Variants in PIP5K1B observed in about 807,000 individuals in gnomAD.
The protein encoded by PIP5K1B is phosphatidylinositol-4-phosphate 5-kinase type 1 beta.
Under a neutral mutation model 67.0 loss-of-function variants are expected in PIP5K1B, and 42 were observed. The observed-to-expected ratio is 0.63, with a 90% confidence interval of 0.49 to 0.81. The LOEUF is 0.81. Ranked by LOEUF, PIP5K1B falls within the 30% of genes least tolerant of loss-of-function variation. The pLI is 0.00. For synonymous variants in PIP5K1B, 214 were observed against 231.4 expected, an observed-to-expected ratio of 0.92 and a Z score of 0.68; for missense variants, 459 against 646.3, an observed-to-expected ratio of 0.71 and a Z score of 3.14.
rs1269638738 is a variant in PIP5K1B, at chr9:68,705,501, C to T, written c.-504C>T. 9 of 151,136 alleles carry T rather than the reference C, an allele frequency of 6.0e-5. No individual in the cohort carries two copies. Among genetic ancestry groups the T allele is most frequent in the Non-Finnish European group, 1.0e-4 (7 of 67,244 alleles). The allele number at this position is 151,136 out of a possible 1,614,324, so 9.4% of individuals were successfully genotyped here. A position where few individuals can be genotyped will look rare whatever the true frequency, so the allele number is the denominator to read the frequency against. On this transcript the variant is annotated 5_prime_UTR_variant, in exon 1 of 16. Coordinates refer to ENST00000265382, the MANE Select transcript of PIP5K1B (RefSeq NM_003558.4). ...CCGCGGCGCGCGCGCACTGCACACTCGTAGCCGCGCGCCCCCGCCAAGGCG... is the reference window on the plus strand; with the variant it reads ...CCGCGGCGCGCGCGCACTGCACACTTGTAGCCGCGCGCCCCCGCCAAGGCG...
At chr9:68,782,195 A>G (rs562495496) in intron 2 of PIP5K1B, 1 of 167,226 alleles carries the variant, frequency 6.0e-6, no homozygotes, top group African/African-American at 2.4e-5. Flanking sequence ...CAGCAACAAC[A>G]GGACTGTGAA....
At chr9:68,802,594 G>A (rs1350249526) in intron 2 of PIP5K1B, among the ~76,000 whole-genome samples, 3 of 152,190 alleles carry the variant, frequency 2.0e-5, no homozygotes, top group South Asian at 2.1e-4. Flanking sequence ...GAGAAGAAAC[G>A]CTGCCCTTTG....
chr9:68,843,930 G>C (rs1303367890), intron 4 of PIP5K1B, among the ~76,000 whole-genome samples: 1 of 152,200 alleles, frequency 6.6e-6, no homozygotes, highest in Non-Finnish European at 1.5e-5. Context: ...GGGGAAGCTG[G>C]ATGTGTGGCT....
chr9:68,931,265 GAATAT>G (rs1273061007), intron 12 of PIP5K1B, among the ~76,000 whole-genome samples: 1 of 152,174 alleles, frequency 6.6e-6, no homozygotes, highest in Admixed American at 6.5e-5. Context: ...TTCCTGAATA[GAATAT>G]AAGAGTTAAA....
chr9:68,785,235 G>A (rs1014734348), intron 2 of PIP5K1B, among the ~76,000 whole-genome samples: 3 of 152,158 alleles, frequency 2.0e-5, no homozygotes, highest in East Asian at 1.9e-4. Context: ...GAGGCATTGA[G>A]GATAAGAGAA....
intron 2 of PIP5K1B, among the ~76,000 whole-genome samples, chr9:68,802,848 C>T (rs570868955): frequency 3.9e-5 from 6 of 152,284 alleles, no homozygotes; most frequent in African/African-American, 1.2e-4. Context: ...GTGCCAAAAC[C>T]TCTGAGGTTT....
chr9:68,745,419 G>A (rs968202118), intron 2 of PIP5K1B, among the ~76,000 whole-genome samples: 1 of 152,172 alleles, frequency 6.6e-6, no homozygotes, highest in Non-Finnish European at 1.5e-5. Flanking sequence ...ACTGCATCTA[G>A]GCCTGGCACT....
At chr9:68,965,939 A>T (rs1306877408) in intron 14 of PIP5K1B, among the ~76,000 whole-genome samples, 1 of 145,316 alleles carries the variant, frequency 6.9e-6, no homozygotes, top group Non-Finnish European at 1.5e-5. Context: ...GTGCCACTGC[A>T]CTCCAACCTG....
At chr9:68,886,628 G>T (rs1368761020) in intron 6 of PIP5K1B, among the ~76,000 whole-genome samples, 1 of 152,216 alleles carries the variant, frequency 6.6e-6, no homozygotes. Flanking sequence ...TCCAGGGCCA[G>T]GAAGCAATTG....
intron 14 of PIP5K1B, among the ~76,000 whole-genome samples, chr9:68,978,294 A>G (rs986807219): frequency 6.6e-6 from 1 of 152,204 alleles, no homozygotes; most frequent in Middle Eastern, 3.4e-3. Flanking sequence ...TCTTCTTTCC[A>G]CCAGTAACTA....
At chr9:68,891,425 T>C (rs1316336200) in intron 7 of PIP5K1B, among the ~76,000 whole-genome samples, 1 of 150,068 alleles carries the variant, frequency 6.7e-6, no homozygotes, top group Non-Finnish European at 1.5e-5. Context: ...ATTAAAATTC[T>C]AAAAATTGGC....
At chr9:68,739,048 T>C (rs1201113261) in intron 1 of PIP5K1B, among the ~76,000 whole-genome samples, 1 of 152,224 alleles carries the variant, frequency 6.6e-6, no homozygotes, top group Admixed American at 6.5e-5. Flanking sequence ...CCCTGAACAA[T>C]CCTGGCCACC....
intron 4 of PIP5K1B, among the ~76,000 whole-genome samples, chr9:68,860,445 A>G (rs1823002882): frequency 6.6e-6 from 1 of 152,192 alleles, no homozygotes; most frequent in Non-Finnish European, 1.5e-5. Flanking sequence ...CAGCTTTACC[A>G]AGAAGTTTAC....
intron 15 of PIP5K1B, among the ~76,000 whole-genome samples, chr9:69,005,402 T>G (rs2133046433): frequency 6.6e-6 from 1 of 152,330 alleles, no homozygotes; most frequent in African/African-American, 2.4e-5. Flanking sequence ...TTATTTTATT[T>G]TTGATATGGA....
At chr9:68,898,700 C>T (rs1825215368) in intron 8 of PIP5K1B, among the ~76,000 whole-genome samples, 1 of 152,104 alleles carries the variant, frequency 6.6e-6, no homozygotes, top group Non-Finnish European at 1.5e-5. Flanking sequence ...TGAAGCTACT[C>T]CTTCCTCCCT....
Position 68,991,229 on chromosome 9 carries a change from A to C in PIP5K1B, c.1592A>C (p.Asp531Ala). The C allele has an allele frequency of 1.2e-6, 2 of 1,606,502 alleles. No homozygotes were observed. The highest frequency in any genetic ancestry group is 1.7e-6 in the Non-Finnish European group (2 of 1,172,990). Residue 531 changes from aspartate to alanine, a missense_variant, in exon 15 of 16, where the codon GAC (aspartate) becomes GCC (alanine). Transcript: ENST00000265382. ...CCCAACACTCTGGAAGTGCAGGATGACAATGCTTCTGTGCTTGACGTCTAT... is the reference window on the plus strand; with the variant it reads ...CCCAACACTCTGGAAGTGCAGGATGCCAATGCTTCTGTGCTTGACGTCTAT... ...AEPNTLEVQD[D>A]NASVLDVYL is the part of the protein sequence containing the mutation.
intron 4 of PIP5K1B, among the ~76,000 whole-genome samples, chr9:68,830,992 T>G (rs1834285082): frequency 6.6e-6 from 1 of 152,198 alleles, no homozygotes. Flanking sequence ...AAGAGATTTT[T>G]TTTAAGGTGG....
At chr9:69,006,962 C>T (rs1028797684) in intron 15 of PIP5K1B, among the ~76,000 whole-genome samples, 1 of 152,184 alleles carries the variant, frequency 6.6e-6, no homozygotes, top group African/African-American at 2.4e-5. Context: ...CACCAGTCCA[C>T]CTTAAAGACA....
intron 14 of PIP5K1B, among the ~76,000 whole-genome samples, chr9:68,972,137 T>G (rs1231357103): frequency 6.6e-6 from 1 of 152,264 alleles, no homozygotes. Context: ...GTTTAAATCT[T>G]TAGTCCATCT....
Sources: gnomAD v4.1 joint callset for allele counts (sites outside exome capture counted in the v4.1 genomes callset) on GRCh38, gnomAD v4.1.1 for gene constraint, MANE v1.5 for transcripts, NCBI Gene and HGNC (gene_info 2026-07-23, HGNC 2026-07-21) for gene names.